Variants in SKI observed in about 807,000 individuals in gnomAD.
SKI encodes the protein ski oncogene.
Under a neutral mutation model 59.3 loss-of-function variants are expected in SKI, and 23 were observed. The ratio of observed to expected loss-of-function variants is 0.39; its 90% CI spans 0.28 to 0.55. SKI has a LOEUF of 0.55. Ranked by LOEUF, SKI falls within the 20% of genes least tolerant of loss-of-function variation. The probability of loss-of-function intolerance (pLI) is 0.67; values close to 1 mark genes in which losing one functional copy is unlikely to be tolerated. For synonymous variants in SKI, 673 were observed against 488.6 expected (o/e 1.38, Z -4.98); for missense variants, 1,017 against 1,038.9 (o/e 0.98, Z 0.29).
In SKI at chr1:2,264,511, C is replaced by T. The variant is rs369691909; in HGVS notation, c.969+34776C>T. On this transcript the variant is annotated intron_variant, in intron 1 of 6. Transcript: ENST00000378536. ...TCTTGATCTCCTGACCTCATGGATC[C>T]GCCTGCTTCAGGTTTCCAAAGTGCT... Among the ~76,000 whole-genome samples, 46 of 152,214 alleles carry T rather than the reference C, an allele frequency of 3.0e-4. No individual in the cohort carries two copies. The East Asian group carries it at 6.8e-3, about 22-fold the overall frequency.
At chr1:2,277,292 G>A (rs1390055450) in intron 1 of SKI, among the ~76,000 whole-genome samples, 1 of 152,116 alleles carries the variant, frequency 6.6e-6, no homozygotes, top group East Asian at 1.9e-4. Flanking sequence ...CGGTGATATG[G>A]TTTGGCTGTG....
chr1:2,252,197 A>T (rs1403256042), intron 1 of SKI, among the ~76,000 whole-genome samples: 1 of 152,028 alleles, frequency 6.6e-6, no homozygotes, highest in African/African-American at 2.4e-5. Flanking sequence ...ACTTTATCCT[A>T]CCTTAAGTTT....
rs1557855138 is a variant in SKI, at chr1:2,306,786, G to A, written c.*21G>A. ...CGTAGATTCCGTGCCTGCCGCCGCA[G>A]CGCCGCCGACAACGCGGGTGCAGGG... is the stretch of plus-strand genomic sequence containing the variant. On this transcript the variant is annotated 3_prime_UTR_variant, in exon 7 of 7. Transcript: ENST00000378536. 7 of 1,480,202 alleles carry A rather than the reference G, an allele frequency of 4.7e-6. No individual in the cohort carries two copies. The highest frequency in any genetic ancestry group is 2.4e-4 in the Middle Eastern group (1 of 4,128). The allele number at this position is 1,480,202 out of a possible 1,614,324, so 91.7% of individuals were successfully genotyped here.
intron 1 of SKI, among the ~76,000 whole-genome samples, chr1:2,279,028 C>T (rs1412561511): frequency 2.6e-5 from 4 of 152,180 alleles, no homozygotes; most frequent in Non-Finnish European, 4.4e-5. Flanking sequence ...AGGCTGTGGC[C>T]GTCACTCTGG....
chr1:2,247,193 T>A (rs998917482), intron 1 of SKI, among the ~76,000 whole-genome samples: 1 of 152,148 alleles, frequency 6.6e-6, no homozygotes, highest in Non-Finnish European at 1.5e-5. Flanking sequence ...CACTTCAGCC[T>A]GGGCAACAGA....
chr1:2,289,879 G>A (rs1640124810), intron 1 of SKI, among the ~76,000 whole-genome samples: 1 of 152,136 alleles, frequency 6.6e-6, no homozygotes, highest in Admixed American at 6.5e-5. Flanking sequence ...GCAGAGGGAA[G>A]GGGTGGCCTG....
Position 2,306,561 on chromosome 1 carries a change from C to A in SKI, c.1999-16C>A. 6.5e-7 allele frequency: 1 copy of A among 1,539,788 alleles called. No homozygotes were observed. The highest frequency in any genetic ancestry group is 2.0e-5 in the Admixed American group (1 of 50,884). On this transcript the variant is annotated splice_polypyrimidine_tract_variant and intron_variant, in intron 6 of 6. Coordinates refer to ENST00000378536, the MANE Select transcript of SKI (RefSeq NM_003036.4). ...GGCAGCGAGCAGGCGCCGCTGACCA[C>A]TCGGCTCCCTTTCAGATCGAAGACC... is the stretch of plus-strand genomic sequence containing the variant.
chr1:2,239,861 C>T (rs1638828294), intron 1 of SKI, among the ~76,000 whole-genome samples: 1 of 152,350 alleles, frequency 6.6e-6, no homozygotes, highest in African/African-American at 2.4e-5. Context: ...GCTCCTTCCA[C>T]TGGGTTTAGG....
chr1:2,228,668 C>T lies in SKI; in HGVS notation c.-99C>T. 1 of 635,538 alleles carries T rather than the reference C, an allele frequency of 1.6e-6. No homozygotes were observed. Among genetic ancestry groups the T allele is most frequent in the Non-Finnish European group, 1.9e-6 (1 of 515,790 alleles). The allele number at this position is 635,538 out of a possible 1,614,324, so 39.4% of individuals were successfully genotyped here. A position where few individuals can be genotyped will look rare whatever the true frequency, so the allele number is the denominator to read the frequency against. On this transcript the variant is annotated 5_prime_UTR_variant, in exon 1 of 7. Transcript: ENST00000378536. ...GCCGGCGGCGGGGGGCGGCCGGGGT[C>T]GGGGCCGCGGGCGCCGCCGGGGCGC...
intron 1 of SKI, among the ~76,000 whole-genome samples, chr1:2,264,656 TC>T (rs1227185937): frequency 1.1e-4 from 17 of 152,010 alleles, no homozygotes; most frequent in African/African-American, 3.9e-4. Flanking sequence ...CTCCCCAGCT[TC>T]CCATAGTGCT....
In SKI at chr1:2,303,312, C is replaced by T. The variant is rs1038237858; in HGVS notation, c.1123C>T (p.Arg375Cys). The T allele has an allele frequency of 3.1e-6, 5 of 1,613,794 alleles. No individual in the cohort carries two copies. The highest frequency in any genetic ancestry group is 1.3e-5 in the African/African-American group (1 of 75,042). Residue 375 changes from arginine (R) to cysteine (C), a missense_variant, in exon 3 of 7, where the codon CGC becomes TGC. Arg to Cys is a radical substitution (Grantham distance 180). Coordinates refer to ENST00000378536, the MANE Select transcript of SKI (RefSeq NM_003036.4). The surrounding 1 kb of genome is among the most constrained non-coding windows in gnomAD (Gnocchi z 5.6). ...CCTGGGCTGTGTTCACCCTCGCCAGCGCCTCTCTGCTTTCCGACCCTGGTC... is the reference window on the plus strand; with the variant it reads ...CCTGGGCTGTGTTCACCCTCGCCAGTGCCTCTCTGCTTTCCGACCCTGGTC... ...KSLGCVHPRQ[R>C]LSAFRPWSPA...
rs1362166748 is a variant in SKI at position 2,269,592 on chromosome 1, G to A, written c.970-33386G>A. Among the ~76,000 whole-genome samples, 3 of 152,274 alleles carry A rather than the reference G, an allele frequency of 2.0e-5. No individual in the cohort carries two copies. Among genetic ancestry groups the A allele is most frequent in the Non-Finnish European group, 4.4e-5 (3 of 68,042 alleles). ...AGGAGCTTTGCTGCCCTGGAGCGTC[G>A]CTTTGTGGGCAGAAGCCAACTTTGG... On this transcript the variant is annotated intron_variant, in intron 1 of 6. Coordinates refer to ENST00000378536, the MANE Select transcript of SKI (RefSeq NM_003036.4). This position sits in a 1 kb window ranked among gnomAD's most constrained non-coding sequence, Gnocchi z 4.7.
intron 1 of SKI, among the ~76,000 whole-genome samples, chr1:2,279,731 T>A (rs1242103281): frequency 2.6e-5 from 4 of 152,190 alleles, no homozygotes; most frequent in Non-Finnish European, 4.4e-5. Context: ...TATTTTTTAT[T>A]AGAGACAGGG....
intron 1 of SKI, among the ~76,000 whole-genome samples, chr1:2,272,059 C>A (rs974032654): frequency 6.6e-6 from 1 of 152,214 alleles, no homozygotes; most frequent in African/African-American, 2.4e-5. Context: ...CCCCTGCCCG[C>A]CCCAGGCCAC....
At chr1:2,240,901 A>G in intron 1 of SKI, 2 of 660,368 alleles carry the variant, frequency 3.0e-6, no homozygotes, top group Non-Finnish European at 3.8e-6. Flanking sequence ...GTCGACCCCA[A>G]TCCTCCTCAG....
chr1:2,276,095 G>A (rs74857987), intron 1 of SKI, among the ~76,000 whole-genome samples: 146 of 152,328 alleles, frequency 9.6e-4, no homozygotes, highest in African/African-American at 3.2e-3. Flanking sequence ...TGGTTGCTCC[G>A]ATAGGGAGAA....
intron 1 of SKI, among the ~76,000 whole-genome samples, chr1:2,231,368 G>A (rs548058043): frequency 6.6e-6 from 1 of 152,294 alleles, no homozygotes; most frequent in South Asian, 2.1e-4. Flanking sequence ...GTTTGTTTTT[G>A]TCCGACTGTG....
chr1:2,292,639 A>C (rs1286249058), intron 1 of SKI, among the ~76,000 whole-genome samples: 1 of 152,166 alleles, frequency 6.6e-6, no homozygotes. Flanking sequence ...GGTCCTTTTC[A>C]GATGCGGTGC....
At chr1:2,283,126 C>A (rs1486947776) in intron 1 of SKI, among the ~76,000 whole-genome samples, 2 of 152,222 alleles carry the variant, frequency 1.3e-5, no homozygotes, top group Non-Finnish European at 2.9e-5. Context: ...CCCGGCCCAA[C>A]CGCCTTTGTC....
Sources: allele counts gnomAD v4.1 joint callset (sites outside exome capture counted in the v4.1 genomes callset), GRCh38; gene constraint gnomAD v4.1.1; non-coding constraint Gnocchi (gnomAD v3.1); transcripts MANE v1.5; gene names NCBI Gene and HGNC (gene_info 2026-07-23, HGNC 2026-07-21).